The following ZNF44 variants were observed in gnomAD, a reference collection of about 807,000 sequenced individuals.
ZNF44 encodes gonadotropin inducible transcription repressor-2.
In ZNF44, 9 loss-of-function variants were observed where a neutral mutation model predicts 11.7. That is an observed-to-expected ratio of 0.77 (90% CI 0.46 to 1.35). The LOEUF is 1.35. ZNF44 is among the 40% of genes most tolerant of loss of function. The pLI is 0.00. For missense variants in ZNF44, 696 were observed against 743.1 expected (o/e 0.94, Z 0.74); for synonymous variants, 224 against 242.7 (o/e 0.92, Z 0.72).
chr19:12,278,854 G>A (rs1278578832), intron 1 of ZNF44, among the ~76,000 whole-genome samples: 4 of 152,256 alleles, frequency 2.6e-5, no homozygotes, highest in Non-Finnish European at 5.9e-5. Flanking sequence ...AAAGCCCCAC[G>A]CAGGCACAGG....
downstream of ZNF44, among the ~76,000 whole-genome samples, chr19:12,225,538 G>GTGTT (rs1178812551): frequency 6.6e-6 from 1 of 152,102 alleles, no homozygotes; most frequent in African/African-American, 2.4e-5. Flanking sequence ...AAAGGCCCAT[G>GTGTT]TGTTATTTTC....
chr19:12,274,040 C>G lies in ZNF44; in HGVS notation c.215G>C (p.Gly72Ala), dbSNP rs763879106. Reference protein sequence around the residue: ...NPRCDVVERFGKSKDGSQCGE... With the variant: ...NPRCDVVERFAKSKDGSQCGE... ...ACACTGACTACCATCTTTACTTTTACCAAATCTCTCTACCACATCACACCT... is the reference window on the plus strand; with the variant it reads ...ACACTGACTACCATCTTTACTTTTAGCAAATCTCTCTACCACATCACACCT... The change falls in exon 4 of 4, where the codon GGT (glycine) becomes GCT (alanine). Residue 72 changes from glycine (G) to alanine (A), a missense_variant. By Grantham distance (60) the Gly-to-Ala change is moderately conservative. Transcript: ENST00000355684. 3 of 1,612,632 alleles carry G rather than the reference C, an allele frequency of 1.9e-6. No homozygotes were observed. Among genetic ancestry groups the G allele is most frequent in the Non-Finnish European group, 2.5e-6 (3 of 1,178,962 alleles).
intron 5 of ZNF44, among the ~76,000 whole-genome samples, chr19:12,261,678 T>C (rs919602965): frequency 1.3e-5 from 2 of 152,162 alleles, no homozygotes; most frequent in Admixed American, 6.6e-5. Context: ...TGTTCAACAA[T>C]AGTGAATAGG....
chr19:12,242,463 T>C (rs1319494129), upstream of ZNF44, among the ~76,000 whole-genome samples: 1 of 149,956 alleles, frequency 6.7e-6, no homozygotes, highest in African/African-American at 2.5e-5. Flanking sequence ...TGAGCCGAGA[T>C]TGCACTACTG....
At chr19:12,249,967 G>C (rs1568428220) in intron 7 of ZNF44, 2 of 1,277,770 alleles carry the variant, frequency 1.6e-6, no homozygotes, top group Non-Finnish European at 2.0e-6. Flanking sequence ...TCTTTTCTGA[G>C]TGTGACTCAC....
In ZNF44 at chr19:12,274,081, T is replaced by G. The variant is rs1967107407; in HGVS notation, c.192-18A>C. ...CATCACACCTGTAAAAAATGAAAAGTACATTACTAAAGGTTTATTATTGAA... is the reference window on the plus strand; with the variant it reads ...CATCACACCTGTAAAAAATGAAAAGGACATTACTAAAGGTTTATTATTGAA... On this transcript the variant is annotated intron_variant, in intron 3 of 3. Coordinates refer to ENST00000355684, the MANE Select transcript of ZNF44 (RefSeq NM_016264.4). The G allele has an allele frequency of 1.3e-5, 20 of 1,570,876 alleles. No individual in the cohort carries two copies. Among genetic ancestry groups the G allele is most frequent in the Non-Finnish European group, 1.6e-5 (19 of 1,156,046 alleles).
exon 4 of ZNF44, chr19:12,226,333 G>C (rs1310568419): frequency 6.6e-6 from 1 of 152,138 alleles, no homozygotes; most frequent in Non-Finnish European, 1.5e-5. Context: ...AGATAACTTG[G>C]GACTCCTGGC....
rs61391601 is a variant in ZNF44, at chr19:12,284,551, A to G, written c.4-8469T>C. 3.7e-4 allele frequency: 264 copies of G among 711,024 alleles called. 2 individuals carry two copies. In the African/African-American group the frequency reaches 3.9e-3, roughly 11 times the overall value. 44.0% of individuals were successfully genotyped at this position (711,024 alleles called of 1,614,324 possible). ...AAGATCTAGTCCCTGGAGGAGATCT[A>G]TCTCTTCTCCCTGCCCATCAAGGAA... On this transcript the variant is annotated intron_variant, in intron 1 of 3. Coordinates refer to ENST00000355684, the MANE Select transcript of ZNF44 (RefSeq NM_016264.4).
intron 7 of ZNF44, among the ~76,000 whole-genome samples, chr19:12,249,508 A>G (rs78899706): frequency 0.19 from 22,261 of 114,614 alleles, 1,710 homozygotes; most frequent in African/African-American, 0.27. Context: ...TCCGTCTCAG[A>G]AAAAAAAAAA....
chr19:12,244,183 ATTTAT>A (rs1241610671), downstream of ZNF44, among the ~76,000 whole-genome samples: 1 of 151,906 alleles, frequency 6.6e-6, no homozygotes, highest in Non-Finnish European at 1.5e-5. Flanking sequence ...CTAATAATTT[ATTTAT>A]TTATTTATTT....
chr19:12,248,149 G>A (rs959878863), exon 8 of ZNF44: 47 of 1,304,210 alleles, frequency 3.6e-5, no homozygotes, highest in Middle Eastern at 2.1e-4. Flanking sequence ...TCATGTGCTC[G>A]AGCAGAATGG....
At chr19:12,285,793 CG>C (rs1483433111) in intron 1 of ZNF44, among the ~76,000 whole-genome samples, 2 of 151,532 alleles carry the variant, frequency 1.3e-5, no homozygotes, top group Non-Finnish European at 2.9e-5. Context: ...CCGAGGCTGG[CG>C]GATCACGAGG....
intron 1 of ZNF44, chr19:12,291,159 C>G: frequency 2.4e-6 from 1 of 416,132 alleles, no homozygotes; most frequent in Non-Finnish European, 4.7e-6. Flanking sequence ...AGTTCTTTAG[C>G]TATTGCAAAG....
chr19:12,252,680 G>A (rs535898217), intron 5 of ZNF44, among the ~76,000 whole-genome samples: 4 of 151,968 alleles, frequency 2.6e-5, no homozygotes, highest in Admixed American at 2.6e-4. Flanking sequence ...GCTAGAAAGA[G>A]GGCTTGGGAT....
exon 8 of ZNF44, chr19:12,248,548 A>C (rs1255905762): frequency 7.7e-7 from 1 of 1,291,052 alleles, no homozygotes; most frequent in South Asian, 1.2e-5. Context: ...ACTTTTCCAC[A>C]TACACTGCTT....
chr19:12,225,979 A>AAAC (rs565792251), downstream of ZNF44, among the ~76,000 whole-genome samples: 1 of 152,368 alleles, frequency 6.6e-6, no homozygotes, highest in African/African-American at 2.4e-5. Context: ...AATTTAATTT[A>AAAC]AACAGAAAAT....
At chr19:12,248,388 C>CT in exon 8 of ZNF44, 1 of 1,291,166 alleles carries the variant, frequency 7.7e-7, no homozygotes, top group Non-Finnish European at 1.0e-6. Flanking sequence ...ACTGTGTGTT[C>CT]TTTTATGTTT....
intron 2 of ZNF44, among the ~76,000 whole-genome samples, chr19:12,233,976 C>T (rs917980970): frequency 2.0e-5 from 3 of 151,640 alleles, no homozygotes; most frequent in African/African-American, 7.3e-5. Flanking sequence ...GCAGGAGAAT[C>T]GCTTGAACCC....
downstream of ZNF44, among the ~76,000 whole-genome samples, chr19:12,270,619 T>G (rs1260660042): frequency 6.6e-6 from 1 of 152,094 alleles, no homozygotes. Context: ...GCCCAGCTAA[T>G]TTTTGTATTT....
Sources: allele counts gnomAD v4.1 joint callset (sites outside exome capture counted in the v4.1 genomes callset), GRCh38; gene constraint gnomAD v4.1.1; transcripts MANE v1.5; gene names NCBI Gene and HGNC (gene_info 2026-07-23, HGNC 2026-07-21).